The following MFSD12 variants were observed in gnomAD, a reference collection of about 807,000 sequenced individuals.
MFSD12 encodes the protein major facilitator superfamily domain-containing protein 12.
Under a neutral mutation model 51.2 loss-of-function variants are expected in MFSD12, and 67 were observed. That is an observed-to-expected ratio of 1.31 (90% confidence interval 1.08 to 1.60). The LOEUF (loss-of-function observed/expected upper bound fraction) is 1.60. Among genes scored for constraint, MFSD12 ranks in the 40% most tolerant of loss-of-function variants. The pLI, the probability that MFSD12 is intolerant of heterozygous loss-of-function variation, is 0.00. For synonymous variants in MFSD12, 441 were observed against 316.7 expected (o/e 1.39, Z -4.17); for missense variants, 921 against 673.0 (o/e 1.37, Z -4.08).
chr19:3,544,530 A>C lies in MFSD12; in HGVS notation c.*180T>G, dbSNP rs542124351. On this transcript the variant is annotated 3_prime_UTR_variant, in exon 10 of 10. Transcript: ENST00000355415. ...CCCTCAAAACCCAGGGGGTCCTTGCAAGTCCCTGGCGGGCATCCCTGCTGC... is the reference window on the plus strand; with the variant it reads ...CCCTCAAAACCCAGGGGGTCCTTGCCAGTCCCTGGCGGGCATCCCTGCTGC... The C allele has an allele frequency of 1.2e-4, 166 of 1,408,384 alleles. No individual in the cohort carries two copies. In the African/African-American group the frequency reaches 2.2e-3, roughly 18 times the overall value. The allele number at this position is 1,408,384 out of a possible 1,614,324, so 87.2% of individuals were successfully genotyped here.
chr19:3,555,121 GTTT>G (rs889623463), intron 1 of MFSD12, among the ~76,000 whole-genome samples: 4 of 152,268 alleles, frequency 2.6e-5, no homozygotes, highest in African/African-American at 7.2e-5. Flanking sequence ...TGTTGTTGTT[GTTT>G]TTTGTTTTTT....
At chr19:3,543,409 C>G, downstream of MFSD12, 2 of 1,548,218 alleles carry the variant, frequency 1.3e-6, no homozygotes, top group South Asian at 1.2e-5. Context: ...CGGCCAGCCC[C>G]TTCCGCGAGG....
At chr19:3,540,240 T>C (rs962655692), downstream of MFSD12, among the ~76,000 whole-genome samples, 23 of 151,606 alleles carry the variant, frequency 1.5e-4, no homozygotes, top group African/African-American at 5.6e-4. Context: ...ACTACAGGTT[T>C]GTGCCACATG....
chr19:3,543,294 G>C (rs1381120949), downstream of MFSD12: 2 of 1,548,544 alleles, frequency 1.3e-6, no homozygotes, highest in African/African-American at 2.7e-5. Context: ...CAGGCCACAC[G>C]CTGGAAGTAC....
chr19:3,551,098 C>T lies in MFSD12; in HGVS notation c.395G>A (p.Gly132Asp), dbSNP rs1294524702. ...TPEWAALLYY[G>D]PFIVIFQFGW... ...AAACTGGAAGATCACGATGAACGGG[C>T]CGTAGTAGAGGAGGGCAGCCCACTC... Residue 132 changes from glycine to aspartate, a missense_variant, in exon 2 of 10, where the codon GGC becomes GAC. Coordinates refer to ENST00000355415, the MANE Select transcript of MFSD12 (RefSeq NM_174983.5). The surrounding 1 kb of genome is among the most constrained non-coding windows in gnomAD (Gnocchi z 4.6). 1.9e-6 allele frequency: 3 copies of T among 1,612,986 alleles called. No homozygotes were observed. The South Asian group carries it at 3.3e-5, about 18-fold the overall frequency.
In MFSD12 at chr19:3,544,931, A is replaced by C. The variant is rs774736796; in HGVS notation, c.1298T>G (p.Leu433Arg). The C allele has an allele frequency of 1.2e-5, 20 of 1,608,018 alleles. No homozygotes were observed. In the South Asian group the frequency reaches 1.3e-4, roughly 11 times the overall value. Residue 433 changes from leucine to arginine, a missense_variant, in exon 9 of 10, where the codon CTC (leucine) becomes CGC (arginine). Transcript: ENST00000355415. ...IQSLHPCPSE[L>R]CCRACVSFYH... ...AAAGCTCACGCAGGCCCTGCAGCAG[A>C]GCTCTGAGCTGTGGGAGGAGGCGGG...
chr19:3,556,941 G>A (rs75036876), intron 1 of MFSD12, among the ~76,000 whole-genome samples, 165 bp downstream of exon 1: 245 of 148,178 alleles, frequency 1.7e-3, no homozygotes, highest in Non-Finnish European at 2.6e-3. Context: ...GGTTAAGGCC[G>A]TGGACAGACA....
Position 3,557,429 on chromosome 19 carries a change from C to T in MFSD12, c.-26G>A, listed in dbSNP as rs1278497732. The T allele has an allele frequency of 1.7e-6, 2 of 1,198,684 alleles. No individual in the cohort carries two copies. The highest frequency in any genetic ancestry group is 2.1e-6 in the Non-Finnish European group (2 of 961,374). The allele number at this position is 1,198,684 out of a possible 1,614,324, so 74.3% of individuals were successfully genotyped here. A position where few individuals can be genotyped will look rare whatever the true frequency, so the allele number is the denominator to read the frequency against. ...CGCGGCGCCGGGCCCGCGCCCCCCA[C>T]CCCCGGGCTCCGCGGAGGGTACCCT... On this transcript the variant is annotated 5_prime_UTR_variant, in exon 1 of 10. The change creates a new upstream start codon in the 5' untranslated region. Transcript: ENST00000355415.
chr19:3,546,074 G>C lies in MFSD12; in HGVS notation c.1289C>G (p.Pro430Arg). ...VMAIQSLHPC[P>R]SELCCRACVS... ...TGAATGAACGAACAGCGGCACTCAC[G>C]GGCAAGGGTGCAGGCTCTGGATGGC... The change falls in exon 8 of 10, where the codon CCC (proline) becomes CGC (arginine). Residue 430 changes from proline (P) to arginine (R), a missense_variant and splice_region_variant. Transcript: ENST00000355415. The C allele has an allele frequency of 6.2e-7, 1 of 1,613,228 alleles. No homozygotes were observed. The highest frequency in any genetic ancestry group is 8.5e-7 in the Non-Finnish European group (1 of 1,179,854).
downstream of MFSD12, chr19:3,543,216 G>GC: frequency 6.5e-7 from 1 of 1,538,352 alleles, no homozygotes; most frequent in East Asian, 2.5e-5. Context: ...CTCAGTCTCT[G>GC]CCCCCTGCCC....
rs763675940 is a variant in MFSD12, at chr19:3,544,663, GTGCGTCCCCACAGTTCCCT to G, written c.*28_*46del. On this transcript the variant is annotated 3_prime_UTR_variant, in exon 10 of 10. Transcript: ENST00000355415. ...CCCCAAGGCCCTGGGGGGCATCCTC[GTGCGTCCCCACAGTTCCCT>G]TGCACAGGTGCAGGAGGCTGTCAGG... 4 of 1,555,272 alleles carry G rather than the reference GTGCGTCCCCACAGTTCCCT, an allele frequency of 2.6e-6. No individual in the cohort carries two copies. The African/African-American group carries it at 5.4e-5, about 21-fold the overall frequency.
At chr19:3,547,619 C>A (rs549946200) in intron 4 of MFSD12, 72 bp from the exon 5 acceptor site, 29 of 1,417,640 alleles carry the variant, frequency 2.0e-5, no homozygotes, top group Non-Finnish European at 2.3e-5. Context: ...CAGGGGGCAC[C>A]GGGGCCAGGG....
At chr19:3,556,995 A>C in intron 1 of MFSD12, 111 bp downstream of exon 1, 1 of 1,071,800 alleles carries the variant, frequency 9.3e-7, no homozygotes, top group East Asian at 3.0e-5. Context: ...CCGAGGGGAG[A>C]CTCCGATCCT....
At position 3,546,176 on chromosome 19, in the gene MFSD12, GAC is replaced by G. The variant is rs753913780; in HGVS notation, c.1195-10_1195-9del. On this transcript the variant is annotated splice_polypyrimidine_tract_variant and intron_variant, in intron 7 of 9. Transcript: ENST00000355415. ...CACGAACGCTCCGCTGTTCTGTGGA[GAC>G]ACAGGCGAGGTGGTCAGCGTGCACC... The G allele has an allele frequency of 2.5e-6, 4 of 1,612,412 alleles. No individual in the cohort carries two copies. The East Asian group carries it at 6.7e-5, about 27-fold the overall frequency.
intron 8 of MFSD12, 64 bp downstream of exon 8, chr19:3,546,010 C>T: frequency 6.5e-7 from 1 of 1,544,432 alleles, no homozygotes; most frequent in South Asian, 1.1e-5. Flanking sequence ...CTGCTGGACA[C>T]ACAGCAGGCG....
chr19:3,543,132 C>CGTGG, downstream of MFSD12: 1 of 1,511,774 alleles, frequency 6.6e-7, no homozygotes, highest in Non-Finnish European at 8.8e-7. Context: ...GACCCCACGC[C>CGTGG]GTGGGCCAGG....
downstream of MFSD12, chr19:3,539,299 C>T (rs1474538321): frequency 1.7e-6 from 2 of 1,196,242 alleles, no homozygotes; most frequent in Non-Finnish European, 2.4e-6. Flanking sequence ...CCCAGCCCCT[C>T]CCTCCCTCCC....
rs1187548758 is a variant in MFSD12 at position 3,554,450 on chromosome 19, C to CA, written c.298+2655dup. ...AGACTCTGTCTCAACAACAACAAAA[C>CA]AAAAAAAAAAAAAAAAGAAAGAAAG... On this transcript the variant is annotated intron_variant, in intron 1 of 9. Coordinates refer to ENST00000355415, the MANE Select transcript of MFSD12 (RefSeq NM_174983.5). Among the ~76,000 whole-genome samples the CA allele has an allele frequency of 7.6e-3, 547 of 71,738 alleles. 1 individual carries two copies. Among genetic ancestry groups the CA allele is most frequent in the Middle Eastern group, 9.6e-3 (1 of 104 alleles). The allele number at this position is 71,738 out of a possible 152,430, so 47.1% of individuals were successfully genotyped here.
chr19:3,553,782 A>C (rs2031600703), intron 1 of MFSD12, among the ~76,000 whole-genome samples: 1 of 147,978 alleles, frequency 6.8e-6, no homozygotes, highest in Non-Finnish European at 1.5e-5. Flanking sequence ...CAGAGAAAGA[A>C]AGGAAAAGAA....
Sources: allele counts gnomAD v4.1 joint callset (sites outside exome capture counted in the v4.1 genomes callset), GRCh38; gene constraint gnomAD v4.1.1; non-coding constraint Gnocchi (gnomAD v3.1); transcripts MANE v1.5; gene names NCBI Gene and HGNC (gene_info 2026-07-23, HGNC 2026-07-21).